Variants in ANKLE2 observed in about 807,000 individuals in gnomAD.
ANKLE2 encodes ankyrin repeat and LEM domain containing 2.
A neutral mutation model predicts 84.2 loss-of-function variants in ANKLE2; 55 were observed. That is an observed-to-expected ratio of 0.65 (90% CI 0.53 to 0.82). The LOEUF is 0.82. Ranked by LOEUF, ANKLE2 falls within the 40% of genes least tolerant of loss-of-function variation. ANKLE2 has a pLI of 0.00. For missense variants in ANKLE2, 1,238 were observed against 1,201.9 expected (o/e 1.03, Z -0.44); for synonymous variants, 551 against 486.1 (o/e 1.13, Z -1.76).
intron 7 of ANKLE2, chr12:132,738,611 A>T (rs998907860): frequency 4.2e-5 from 6 of 144,356 alleles, no homozygotes; most frequent in African/African-American, 1.6e-4. Context: ...TGCAAGCTCC[A>T]CCTCCCGGGT....
chr12:132,734,313 G>A, intron 10 of ANKLE2, 72 bp downstream of exon 10: 2 of 1,475,174 alleles, frequency 1.4e-6, no homozygotes, highest in Non-Finnish European at 1.9e-6. Flanking sequence ...AGAAACAGAT[G>A]TGCGCATCCC....
intron 1 of ANKLE2, chr12:132,758,334 G>C (rs1475599655): frequency 6.6e-6 from 1 of 152,092 alleles, no homozygotes; most frequent in African/African-American, 2.4e-5. Context: ...GCTTGAACTG[G>C]GCAGGCAGAG....
intron 7 of ANKLE2, among the ~76,000 whole-genome samples, chr12:132,740,002 A>C (rs2044089053): frequency 6.6e-6 from 1 of 152,238 alleles, no homozygotes; most frequent in Non-Finnish European, 1.5e-5. Flanking sequence ...ATAGGCAAGG[A>C]TCTCTCAGAC....
chr12:132,753,187 G>A (rs1332331994), intron 2 of ANKLE2, among the ~76,000 whole-genome samples: 4 of 152,008 alleles, frequency 2.6e-5, no homozygotes, highest in Non-Finnish European at 2.9e-5. Context: ...GCACGTGCCC[G>A]TGATCCCAGC....
chr12:132,736,339 A>C (rs1742898533), intron 8 of ANKLE2, among the ~76,000 whole-genome samples: 1 of 152,232 alleles, frequency 6.6e-6, no homozygotes, highest in Non-Finnish European at 1.5e-5. Flanking sequence ...AACAGGAGAA[A>C]GAATTGTCAA....
rs1452148754 is a variant in ANKLE2 at position 132,730,059 on chromosome 12, G to C, written c.2103C>G (p.Leu701=). Residue 701 remains leucine, a synonymous_variant, in exon 11 of 13, where the codon CTC becomes CTG. Coordinates refer to ENST00000357997, the MANE Select transcript of ANKLE2 (RefSeq NM_015114.3). The part of the protein sequence containing the change: ...PGGPHSSRNG[L]CHPLNHSRTL... ...TCCTGCTGTGATTCAGAGGATGGCA[G>C]AGCCCATTTCTGCTGCTGTGTGGAC... is the stretch of plus-strand genomic sequence containing the variant. The C allele has an allele frequency of 1.2e-5, 20 of 1,612,900 alleles. No individual in the cohort carries two copies. The highest frequency in any genetic ancestry group is 1.6e-5 in the Non-Finnish European group (19 of 1,179,752).
At chr12:132,751,690 C>T (rs543395354) in intron 2 of ANKLE2, among the ~76,000 whole-genome samples, 18 of 151,652 alleles carry the variant, frequency 1.2e-4, no homozygotes, top group East Asian at 1.2e-3. Context: ...TTATAGGCAC[C>T]GGCCACCATG....
At chr12:132,735,275 C>T (rs1006121835) in intron 9 of ANKLE2, 131 bp downstream of exon 9, 30 of 851,562 alleles carry the variant, frequency 3.5e-5, no homozygotes, top group Non-Finnish European at 4.3e-5. Flanking sequence ...TAGACCTTCA[C>T]GAAAAGGACC....
intron 10 of ANKLE2, among the ~76,000 whole-genome samples, chr12:132,732,778 T>C (rs573709085): frequency 1.6e-4 from 19 of 119,252 alleles, no homozygotes; most frequent in South Asian, 1.2e-3. Context: ...TGGTGTCTGA[T>C]ATGCACCGTG....
rs139769525 is a variant in ANKLE2, at chr12:132,741,768, C to T, written c.1354-283G>A. ...CTGCAAGGAGAGGAAAAGGTACCAG[C>T]GCATCGAGTAAAAGCAGAAGCACGT... On this transcript the variant is annotated intron_variant, in intron 6 of 12. Coordinates refer to ENST00000357997, the MANE Select transcript of ANKLE2 (RefSeq NM_015114.3). 729 of 561,588 alleles carry T rather than the reference C, an allele frequency of 1.3e-3. 4 individuals are homozygous for T. The highest frequency in any genetic ancestry group is 9.5e-3 in the African/African-American group (512 of 54,076). 34.8% of individuals were successfully genotyped at this position (561,588 alleles called of 1,614,324 possible).
Position 132,755,109 on chromosome 12 carries a change from A to G in ANKLE2, c.206T>C (p.Leu69Ser). 6.2e-7 allele frequency: 1 copy of G among 1,607,792 alleles called. No individual in the cohort carries two copies. Among genetic ancestry groups the G allele is most frequent in the Non-Finnish European group, 8.5e-7 (1 of 1,179,160 alleles). ...ASGEMTMDAL[L>S]ARLKLLNPDD... The stretch of plus-strand genomic sequence containing the variant: ...TGGATTCAGAAGTTTCAATCGAGCC[A>G]ACAGAGCATCCATTGTCATTTCACC... Residue 69 changes from leucine to serine, a missense_variant, in exon 2 of 13, where the codon TTG (leucine) becomes TCG (serine). Leu to Ser is a moderately radical substitution (Grantham distance 145, BLOSUM62 -2). This residue lies in a region of ANKLE2 where 422 missense variants were observed against 394.5 expected (regional missense o/e 1.07). Transcript: ENST00000357997.
Position 132,735,421 on chromosome 12 carries a change from A to T in ANKLE2, c.1685T>A (p.Phe562Tyr). The T allele has an allele frequency of 6.2e-7, 1 of 1,613,960 alleles. No individual in the cohort carries two copies. Residue 562 changes from phenylalanine (F) to tyrosine (Y), a missense_variant, in exon 9 of 13, where the codon TTT (phenylalanine) becomes TAT (tyrosine). Physicochemically the swap from Phe to Tyr is conservative, Grantham distance 22. Transcript: ENST00000357997. Reference sequence around the variant, plus strand: ...CTTTCAGTACCTTCCCACTCTCTCAAAGCCTCTTTCCGGGTCCGACTTCTT... The same window carrying T: ...CTTTCAGTACCTTCCCACTCTCTCATAGCCTCTTTCCGGGTCCGACTTCTT... The part of the protein sequence containing the change: ...HVKKSDPERG[F>Y]ERVGRELAHE...
At chr12:132,759,491 T>A (rs2044568533) in intron 1 of ANKLE2, 1 of 125,196 alleles carries the variant, frequency 8.0e-6, no homozygotes, top group South Asian at 2.1e-4. Context: ...CGAGGCCCAG[T>A]TTCTCTAAAT....
At chr12:132,735,674 T>A (rs1180678674) in intron 8 of ANKLE2, among the ~76,000 whole-genome samples, 162 bp from the exon 9 acceptor site, 1 of 152,220 alleles carries the variant, frequency 6.6e-6, no homozygotes, top group Non-Finnish European at 1.5e-5. Context: ...ACCTGTGGCA[T>A]GGCTGAGTGG....
At position 132,741,428 on chromosome 12, in the gene ANKLE2, A is replaced by C. The variant is rs1436976721; in HGVS notation, c.1411T>G (p.Tyr471Asp). 1 of 1,613,484 alleles carries C rather than the reference A, an allele frequency of 6.2e-7. No individual in the cohort carries two copies. Residue 471 changes from tyrosine (Y) to aspartate (D), a missense_variant, in exon 7 of 13, where the codon TAT (tyrosine) becomes GAT (aspartate). By Grantham distance (160) the Tyr-to-Asp change is radical. This residue lies in a region of ANKLE2 where 802 missense variants were observed against 774.5 expected (regional missense o/e 1.04). Coordinates refer to ENST00000357997, the MANE Select transcript of ANKLE2 (RefSeq NM_015114.3). The stretch of plus-strand genomic sequence containing the variant: ...CAACTCCCCATCTTACCCTTTAAAT[A>C]CTCTCTGATCCGCTCCTTCAGTTCC... ...SVELKERIRE[Y>D]LKGHYYVPLL... is the part of the protein sequence containing the mutation.
At chr12:132,753,356 A>G (rs2044401227) in intron 2 of ANKLE2, among the ~76,000 whole-genome samples, 1 of 151,822 alleles carries the variant, frequency 6.6e-6, no homozygotes, top group African/African-American at 2.4e-5. Context: ...CCAATTAGCT[A>G]GGCGTGCTGG....
intron 3 of ANKLE2, among the ~76,000 whole-genome samples, chr12:132,750,204 CAAAA>C (rs1038591889): frequency 2.5e-5 from 2 of 79,446 alleles, no homozygotes; most frequent in Admixed American, 1.6e-4. Flanking sequence ...GACTCCATCT[CAAAA>C]AAAAAAAAAA....
chr12:132,741,105 C>G (rs988245537), intron 7 of ANKLE2, among the ~76,000 whole-genome samples: 1 of 152,188 alleles, frequency 6.6e-6, no homozygotes, highest in African/African-American at 2.4e-5. Flanking sequence ...CACAATGAAG[C>G]TACTGCGAGA....
chr12:132,741,196 C>T (rs996607207), intron 7 of ANKLE2, among the ~76,000 whole-genome samples: 1 of 152,166 alleles, frequency 6.6e-6, no homozygotes, highest in Non-Finnish European at 1.5e-5. Context: ...ACAGAAAGCT[C>T]AAGGAACAGA....
Sources: allele counts gnomAD v4.1 joint callset (sites outside exome capture counted in the v4.1 genomes callset), GRCh38; gene constraint gnomAD v4.1.1; regional missense constraint gnomAD v4.1.1; transcripts MANE v1.5; gene names NCBI Gene and HGNC (gene_info 2026-07-23, HGNC 2026-07-21).